Variants in SH3RF3 observed in about 807,000 individuals in gnomAD.
The protein encoded by SH3RF3 is SH3 domain containing ring finger 3.
SH3RF3 carries 29 observed loss-of-function variants against 66.3 expected under a neutral mutation model. The ratio of observed to expected loss-of-function variants is 0.44; its 90% CI spans 0.33 to 0.60. The LOEUF (loss-of-function observed/expected upper bound fraction) is 0.60, where lower values mean the gene tolerates loss of function less well. Ranked by LOEUF, SH3RF3 falls within the 20% of genes least tolerant of loss-of-function variation. The pLI is 0.04. For missense variants in SH3RF3, 1,194 were observed against 1,190.9 expected (o/e 1.00, Z -0.04); for synonymous variants, 583 against 532.0 (o/e 1.10, Z -1.32).
chr2:109,416,102 A>G (rs1014799849), intron 4 of SH3RF3, among the ~76,000 whole-genome samples: 1 of 152,230 alleles, frequency 6.6e-6, no homozygotes, highest in Non-Finnish European at 1.5e-5. Flanking sequence ...CTCCAGAACT[A>G]TAAGAAATAA....
chr2:109,484,428 C>G (rs1015140868), intron 8 of SH3RF3, among the ~76,000 whole-genome samples: 1 of 152,116 alleles, frequency 6.6e-6, no homozygotes, highest in Non-Finnish European at 1.5e-5. Flanking sequence ...CACTCTGGCC[C>G]GCACCTGCTT....
At chr2:109,193,912 C>T (rs1298372093) in intron 1 of SH3RF3, among the ~76,000 whole-genome samples, 3 of 152,300 alleles carry the variant, frequency 2.0e-5, no homozygotes, top group African/African-American at 2.4e-5. Context: ...AAGCCTTGCC[C>T]CAGGTCTCCT....
chr2:109,434,257 C>A (rs748664855), intron 6 of SH3RF3, among the ~76,000 whole-genome samples: 1 of 152,202 alleles, frequency 6.6e-6, no homozygotes, highest in African/African-American at 2.4e-5. Context: ...GGGGACATCA[C>A]TCTGTCACAC....
At chr2:109,141,474 C>T (rs1676946889) in intron 1 of SH3RF3, 2 of 154,956 alleles carry the variant, frequency 1.3e-5, no homozygotes, top group Middle Eastern at 1.2e-3. Context: ...AGGCACATGC[C>T]TGCCTTTCCC....
At chr2:109,255,420 A>AGTAT in intron 1 of SH3RF3, among the ~76,000 whole-genome samples, 1 of 152,306 alleles carries the variant, frequency 6.6e-6, no homozygotes, top group Non-Finnish European at 1.5e-5. Context: ...CTCAATGATC[A>AGTAT]GTATGAAGGT....
chr2:109,278,285 G>A (rs569696172), intron 1 of SH3RF3, among the ~76,000 whole-genome samples: 6 of 152,272 alleles, frequency 3.9e-5, no homozygotes, highest in East Asian at 1.9e-4. Flanking sequence ...GCAGGGCCCC[G>A]TGCTTCAGCC....
At chr2:109,179,566 A>C (rs1489971720) in intron 1 of SH3RF3, among the ~76,000 whole-genome samples, 1 of 152,212 alleles carries the variant, frequency 6.6e-6, no homozygotes, top group Admixed American at 6.5e-5. Flanking sequence ...GAAGTCCAAG[A>C]ACATGGTACT....
chr2:109,294,888 TAGTG>T (rs1390764136), intron 1 of SH3RF3, among the ~76,000 whole-genome samples: 1 of 152,094 alleles, frequency 6.6e-6, no homozygotes, highest in Non-Finnish European at 1.5e-5. Flanking sequence ...GAGAAAGACT[TAGTG>T]AGGAGAGAAG....
chr2:109,367,992 A>G (rs1683182947), intron 2 of SH3RF3, among the ~76,000 whole-genome samples: 1 of 152,270 alleles, frequency 6.6e-6, no homozygotes, highest in Non-Finnish European at 1.5e-5. Flanking sequence ...CTAATTTGAC[A>G]GGCAAAGGAA....
chr2:109,433,778 G>A (rs1286235297), intron 6 of SH3RF3, among the ~76,000 whole-genome samples: 2 of 152,334 alleles, frequency 1.3e-5, no homozygotes, highest in East Asian at 3.9e-4. Context: ...AAGCCTGAAA[G>A]GTCTGCAGGC....
intron 4 of SH3RF3, 146 bp downstream of exon 4, chr2:109,399,089 G>A (rs10169560): frequency 0.13 from 124,342 of 960,616 alleles, 12,310 homozygotes; most frequent in African/African-American, 0.4. Flanking sequence ...GCCCTTTGCT[G>A]CCTGGCACTG....
chr2:109,131,994 G>T (rs974047056), intron 1 of SH3RF3, among the ~76,000 whole-genome samples: 9 of 152,190 alleles, frequency 5.9e-5, no homozygotes, highest in Non-Finnish European at 1.2e-4. Context: ...GATTGTAATA[G>T]CATATCAGGC....
chr2:109,474,148 G>A (rs890004281), intron 8 of SH3RF3, among the ~76,000 whole-genome samples: 1 of 152,128 alleles, frequency 6.6e-6, no homozygotes, highest in South Asian at 2.1e-4. Context: ...GGTGGCCAGG[G>A]AAGCTTGGCC....
At chr2:109,383,195 G>T (rs946058516) in intron 3 of SH3RF3, among the ~76,000 whole-genome samples, 6 of 152,230 alleles carry the variant, frequency 3.9e-5, no homozygotes, top group Non-Finnish European at 7.3e-5. Context: ...TTGGCACTGG[G>T]TGCCTGTAGG....
intron 2 of SH3RF3, among the ~76,000 whole-genome samples, chr2:109,361,944 G>C (rs1263505674): frequency 6.6e-6 from 1 of 151,900 alleles, no homozygotes; most frequent in Non-Finnish European, 1.5e-5. Context: ...CCTGATATTA[G>C]TACTTTGTGT....
chr2:109,238,497 G>C (rs1238301542), intron 1 of SH3RF3, among the ~76,000 whole-genome samples: 1 of 146,180 alleles, frequency 6.8e-6, no homozygotes, highest in Admixed American at 6.8e-5. Flanking sequence ...GTGTGTGTGT[G>C]TGAGAGTGAG....
At position 109,323,345 on chromosome 2, in the gene SH3RF3, G is replaced by A. The variant is rs372574311; in HGVS notation, c.574-24329G>A. Among the ~76,000 whole-genome samples the A allele has an allele frequency of 1.6e-4, 24 of 152,322 alleles. 1 individual carries two copies. The South Asian group carries it at 5.0e-3, about 32-fold the overall frequency. On this transcript the variant is annotated intron_variant, in intron 1 of 9. Coordinates refer to ENST00000309415, the MANE Select transcript of SH3RF3 (RefSeq NM_001099289.3). ...GGAAGACAAACTGAAGAAGATACCTGTATGACTCCAGCTATAGGATCCACA... is the reference window on the plus strand; with the variant it reads ...GGAAGACAAACTGAAGAAGATACCTATATGACTCCAGCTATAGGATCCACA...
intron 1 of SH3RF3, among the ~76,000 whole-genome samples, chr2:109,230,340 G>A (rs1679476920): frequency 6.6e-6 from 1 of 152,090 alleles, no homozygotes; most frequent in Non-Finnish European, 1.5e-5. Flanking sequence ...CTTCCGAGAG[G>A]CCAAGGTGGG....
chr2:109,246,522 A>T (rs1679920196), intron 1 of SH3RF3, among the ~76,000 whole-genome samples: 1 of 152,224 alleles, frequency 6.6e-6, no homozygotes, highest in South Asian at 2.1e-4. Flanking sequence ...ACATACATTC[A>T]GTCCATTGCA....
Sources: allele counts gnomAD v4.1 joint callset (sites outside exome capture counted in the v4.1 genomes callset), GRCh38; gene constraint gnomAD v4.1.1; transcripts MANE v1.5; gene names NCBI Gene and HGNC (gene_info 2026-07-23, HGNC 2026-07-21).